The following CRYBG3 variants were observed in gnomAD, a reference collection of about 807,000 sequenced individuals.
CRYBG3 encodes very large A-kinase anchor protein.
In CRYBG3, 127 loss-of-function variants were observed where a neutral mutation model predicts 244.2. The ratio of observed to expected loss-of-function variants is 0.52; its 90% CI spans 0.45 to 0.60. CRYBG3 has a LOEUF of 0.60. Among genes scored for constraint, CRYBG3 ranks in the 20% least tolerant of loss-of-function variants. The probability of loss-of-function intolerance (pLI) is 0.00; values close to 1 mark genes in which losing one functional copy is unlikely to be tolerated. For missense variants in CRYBG3, 3,325 were observed against 3,442.5 expected, an observed-to-expected ratio of 0.97 and a Z score of 0.85; for synonymous variants, 1,132 against 1,195.8, an observed-to-expected ratio of 0.95 and a Z score of 1.10.
intron 2 of CRYBG3, among the ~76,000 whole-genome samples, chr3:97,853,406 TACACACACAC>T (rs57065921): frequency 1.4e-4 from 21 of 147,780 alleles, no homozygotes; most frequent in Admixed American, 4.1e-4. Context: ...ACACATACAA[TACACACACAC>T]ACACACACAC....
intron 17 of CRYBG3, among the ~76,000 whole-genome samples, chr3:97,926,708 T>G (rs1382605611): frequency 6.6e-6 from 1 of 152,032 alleles, no homozygotes; most frequent in African/African-American, 2.4e-5. Flanking sequence ...ATTTGATAAT[T>G]AACTTCAGTA....
At chr3:97,870,167 G>T (rs2039284673) in intron 3 of CRYBG3, among the ~76,000 whole-genome samples, 1 of 152,072 alleles carries the variant, frequency 6.6e-6, no homozygotes, top group Non-Finnish European at 1.5e-5. Flanking sequence ...TAGAGTTGGG[G>T]TGCATATGCA....
chr3:97,822,542 T>C (rs1236283033), intron 1 of CRYBG3, among the ~76,000 whole-genome samples, 187 bp downstream of exon 1: 1 of 152,190 alleles, frequency 6.6e-6, no homozygotes, highest in Non-Finnish European at 1.5e-5. Flanking sequence ...ACTACTCGCC[T>C]CTCCTCTGCA....
At chr3:97,851,953 T>C (rs1450151819) in intron 2 of CRYBG3, among the ~76,000 whole-genome samples, 2 of 152,216 alleles carry the variant, frequency 1.3e-5, no homozygotes, top group Admixed American at 1.3e-4. Context: ...GGTGTCCTGA[T>C]GTTTTCTCTG....
intron 1 of CRYBG3, among the ~76,000 whole-genome samples, chr3:97,823,061 G>C (rs941292413): frequency 6.6e-6 from 1 of 152,078 alleles, no homozygotes; most frequent in Non-Finnish European, 1.5e-5. Flanking sequence ...CAGCTGTCTT[G>C]GTTTCAGTAA....
At chr3:97,825,178 T>C (rs920210115) in intron 1 of CRYBG3, among the ~76,000 whole-genome samples, 6 of 152,230 alleles carry the variant, frequency 3.9e-5, no homozygotes, top group South Asian at 2.1e-4. Context: ...TAAAGGTCTC[T>C]AGACAAAATG....
chr3:97,855,482 G>T (rs960995310), intron 2 of CRYBG3, among the ~76,000 whole-genome samples: 1 of 151,362 alleles, frequency 6.6e-6, no homozygotes, highest in Non-Finnish European at 1.5e-5. Context: ...TTTCTTTGTT[G>T]GGAGACTTTT....
chr3:97,874,640 T>C lies in CRYBG3; in HGVS notation c.3446T>C (p.Leu1149Pro). The C allele has an allele frequency of 6.5e-7, 1 of 1,536,076 alleles. No individual in the cohort carries two copies. Among genetic ancestry groups the C allele is most frequent in the Non-Finnish European group, 8.7e-7 (1 of 1,146,866 alleles). ...CCAACTGCTGCCCAATTTGACAATC[T>C]CGTGGAAGCAGAGACTGGAGCAGTT... is the stretch of plus-strand genomic sequence containing the variant. ...DFPTAAQFDN[L>P]VEAETGAVAG... The change falls in exon 4 of 22, where the codon CTC (leucine) becomes CCC (proline). Residue 1149 changes from leucine (L) to proline (P), a missense_variant. Coordinates refer to ENST00000389622, the MANE Select transcript of CRYBG3 (RefSeq NM_153605.4).
At position 97,839,886 on chromosome 3, in the gene CRYBG3, A is replaced by G. The variant is rs564506196; in HGVS notation, c.150-3309A>G. Among the ~76,000 whole-genome samples, 7 of 151,980 alleles carry G rather than the reference A, an allele frequency of 4.6e-5. No individual in the cohort carries two copies. In the South Asian group the frequency reaches 1.5e-3, roughly 32 times the overall value. ...AGGCCACACCGCACCTGGCCTGGTT[A>G]TAGATTATTTTTTAAAATTTGTCTA... On this transcript the variant is annotated intron_variant, in intron 1 of 21. Transcript: ENST00000389622.
intron 2 of CRYBG3, among the ~76,000 whole-genome samples, chr3:97,858,818 C>T (rs2039103529): frequency 6.6e-6 from 1 of 151,944 alleles, no homozygotes; most frequent in African/African-American, 2.4e-5. Context: ...CATAGATTTT[C>T]TTTTCTTGGT....
chr3:97,841,705 T>C (rs992476723), intron 1 of CRYBG3, among the ~76,000 whole-genome samples: 2 of 151,998 alleles, frequency 1.3e-5, no homozygotes, highest in Admixed American at 1.3e-4. Flanking sequence ...TCTGGCCCAC[T>C]CTCAGTCATC....
chr3:97,867,976 T>C (rs2039254979), intron 3 of CRYBG3, among the ~76,000 whole-genome samples: 1 of 152,218 alleles, frequency 6.6e-6, no homozygotes, highest in Non-Finnish European at 1.5e-5. Flanking sequence ...AGGACAACTT[T>C]ATGTTCTTAA....
In CRYBG3 at chr3:97,877,242, A is replaced by G. The variant is rs750153522; in HGVS notation, c.6048A>G (p.Ala2016=). 2 of 1,613,764 alleles carry G rather than the reference A, an allele frequency of 1.2e-6. No individual in the cohort carries two copies. Among genetic ancestry groups the G allele is most frequent in the South Asian group, 1.1e-5 (1 of 91,080 alleles). The change falls in exon 4 of 22, where the codon GCA becomes GCG. Residue 2016 remains alanine, a synonymous_variant. Transcript: ENST00000389622. ...AAGAGGAGGACAAGTATGCTTCCGC[A>G]GAAGCAAGACAAACACAGTCTGTCT... ...PLQEEDKYAS[A]EARQTQSVLF... is the part of the protein sequence containing the mutation.
chr3:97,915,060 T>C (rs2039912378), intron 16 of CRYBG3, among the ~76,000 whole-genome samples: 1 of 152,208 alleles, frequency 6.6e-6, no homozygotes. Context: ...ACAGGTTTTA[T>C]ATACTCTTGT....
At position 97,873,025 on chromosome 3, in the gene CRYBG3, T is replaced by C; in HGVS notation, c.1831T>C (p.Leu611=). 6.5e-7 allele frequency: 1 copy of C among 1,535,756 alleles called. No homozygotes were observed. Among genetic ancestry groups the C allele is most frequent in the Non-Finnish European group, 8.7e-7 (1 of 1,146,756 alleles). The change falls in exon 4 of 22, where the codon TTG becomes CTG. Residue 611 remains leucine, a synonymous_variant. Transcript: ENST00000389622. ...CTTAGGAAATGAAAATGCACCTGAG[T>C]TGAAATTTGAACTTAATAGAAGTCA... ...ASLGNENAPE[L]KFELNRSHIS...
chr3:97,871,704 GTTCT>G, intron 3 of CRYBG3, 134 bp from the exon 4 acceptor site: 1 of 541,740 alleles, frequency 1.8e-6, no homozygotes, highest in East Asian at 3.2e-5. Context: ...AATTTAAAGC[GTTCT>G]AGGATTTACT....
chr3:97,885,975 A>G (rs566256681), intron 7 of CRYBG3, among the ~76,000 whole-genome samples: 7 of 152,290 alleles, frequency 4.6e-5, no homozygotes, highest in African/African-American at 1.4e-4. Flanking sequence ...AGAGATATGC[A>G]TGAGGGAAAT....
In CRYBG3 at chr3:97,875,405, C is replaced by T. The variant is rs2108217581; in HGVS notation, c.4211C>T (p.Ser1404Phe). Residue 1404 changes from serine to phenylalanine, a missense_variant, in exon 4 of 22, where the codon TCC becomes TTC. By Grantham distance (155) the Ser-to-Phe change is radical. Around this residue, in one of 4 missense-constraint regions of CRYBG3, gnomAD observed 635 missense variants for 771.7 expected, o/e 0.82. Coordinates refer to ENST00000389622, the MANE Select transcript of CRYBG3 (RefSeq NM_153605.4). ...KGGEIVLYQK[S>F]LFSGNGSGLS... ...GGAGAAATTGTTCTCTACCAAAAAT[C>T]CCTATTTTCTGGAAATGGATCTGGA... 7.1e-6 allele frequency: 10 copies of T among 1,408,036 alleles called. No individual in the cohort carries two copies. The highest frequency in any genetic ancestry group is 9.2e-6 in the Non-Finnish European group (10 of 1,089,292). 87.2% of individuals were successfully genotyped at this position (1,408,036 alleles called of 1,614,324 possible). A position where few individuals can be genotyped will look rare whatever the true frequency, so the allele number is the denominator to read the frequency against.
chr3:97,898,298 A>G (rs1360494191), intron 12 of CRYBG3, among the ~76,000 whole-genome samples: 1 of 150,942 alleles, frequency 6.6e-6, no homozygotes, highest in African/African-American at 2.4e-5. Context: ...GAAATTAGAC[A>G]TTTGCATATT....
Sources: gnomAD v4.1 joint callset for allele counts (sites outside exome capture counted in the v4.1 genomes callset) on GRCh38, gnomAD v4.1.1 for gene constraint, gnomAD v4.1.1 regional missense constraint, MANE v1.5 for transcripts, NCBI Gene and HGNC (gene_info 2026-07-23, HGNC 2026-07-21) for gene names.